SORCS2: variants seen among roughly 807,000 people sequenced by gnomAD.
SORCS2 encodes the protein sortilin related VPS10 domain containing receptor 2.
In SORCS2, 100 loss-of-function variants were observed where a neutral mutation model predicts 141.6. The ratio of observed to expected loss-of-function variants is 0.71; its 90% CI spans 0.60 to 0.83. SORCS2 has a LOEUF of 0.83. Among genes scored for constraint, SORCS2 ranks in the 40% least tolerant of loss-of-function variants. The probability of loss-of-function intolerance (pLI) is 0.00; values close to 1 mark genes in which losing one functional copy is unlikely to be tolerated. For missense variants in SORCS2, 1,646 were observed against 1,560.2 expected (o/e 1.05, Z -0.93); for synonymous variants, 789 against 676.9 (o/e 1.17, Z -2.57).
chr4:7,359,991 G>A (rs759362243), intron 1 of SORCS2, among the ~76,000 whole-genome samples: 1 of 152,176 alleles, frequency 6.6e-6, no homozygotes. Context: ...GGTCACAGTC[G>A]CTGTCATTCT....
chr4:7,484,221 C>T (rs770386539), intron 2 of SORCS2, among the ~76,000 whole-genome samples: 4 of 152,166 alleles, frequency 2.6e-5, no homozygotes, highest in African/African-American at 7.2e-5. Context: ...GGCAGATCGC[C>T]GCTGAGTCTG....
chr4:7,431,975 C>G (rs1323995242), intron 2 of SORCS2: 1 of 152,280 alleles, frequency 6.6e-6, no homozygotes, highest in Non-Finnish European at 1.5e-5. Context: ...GTGTGCGGCT[C>G]CCAGATGTGT....
At chr4:7,373,418 T>G (rs1722384961) in intron 1 of SORCS2, among the ~76,000 whole-genome samples, 1 of 144,694 alleles carries the variant, frequency 6.9e-6, no homozygotes, top group African/African-American at 2.6e-5. Flanking sequence ...CATTTTATAG[T>G]ACGTTGTTTG....
Position 7,645,757 on chromosome 4 carries a change from T to C in SORCS2, c.813+7265T>C, listed in dbSNP as rs150073186. ...GGGGATGAAAACTTTCTTTAAAAAG[T>C]CCTTTCTGAATATGAAAGGTGATGG... On this transcript the variant is annotated intron_variant, in intron 4 of 26. Transcript: ENST00000507866. Among the ~76,000 whole-genome samples the C allele has an allele frequency of 8.4e-3, 1,275 of 152,324 alleles. 21 individuals carry two copies. Among genetic ancestry groups the C allele is most frequent in the African/African-American group, 0.029 (1,185 of 41,568 alleles).
Position 7,316,975 on chromosome 4 carries a change from C to G in SORCS2, c.481-79313C>G, listed in dbSNP as rs560640876. On this transcript the variant is annotated intron_variant, in intron 1 of 26. Coordinates refer to ENST00000507866, the MANE Select transcript of SORCS2 (RefSeq NM_020777.3). ...TCCCCTGACAGCAGACAGACTTCCA[C>G]AAGTTCTGAATGCAAGCGCCCGGGG... 9.2e-5 allele frequency among the ~76,000 whole-genome samples: 14 copies of G among 152,254 alleles called. No homozygotes were observed. The East Asian group carries it at 2.5e-3, about 27-fold the overall frequency.
intron 2 of SORCS2, among the ~76,000 whole-genome samples, chr4:7,435,191 C>G (rs1040373444): frequency 6.6e-6 from 1 of 152,142 alleles, no homozygotes; most frequent in African/African-American, 2.4e-5. Flanking sequence ...TGTCCCCCAC[C>G]CTCCCCCTGC....
At chr4:7,693,053 G>A (rs1724359833) in intron 11 of SORCS2, among the ~76,000 whole-genome samples, 1 of 152,198 alleles carries the variant, frequency 6.6e-6, no homozygotes, top group African/African-American at 2.4e-5. Flanking sequence ...AATCAACCCA[G>A]CCCTGGCCGA....
chr4:7,542,091 G>A (rs1712721034), intron 3 of SORCS2, among the ~76,000 whole-genome samples: 1 of 152,164 alleles, frequency 6.6e-6, no homozygotes, highest in African/African-American at 2.4e-5. Flanking sequence ...GAGAGAAGGA[G>A]CTTTGCCTGC....
rs377492743 is a variant in SORCS2 at position 7,725,268 on chromosome 4, G to T, written c.2726G>T (p.Trp909Leu). 2.5e-6 allele frequency: 4 copies of T among 1,613,324 alleles called. No homozygotes were observed. Among genetic ancestry groups the T allele is most frequent in the Non-Finnish European group, 3.4e-6 (4 of 1,179,596 alleles). Residue 909 changes from tryptophan to leucine, a missense_variant, in exon 20 of 27, where the codon TGG becomes TTG. Coordinates refer to ENST00000507866, the MANE Select transcript of SORCS2 (RefSeq NM_020777.3). ...LNPNLTVFYW[W>L]IGHSLQPLLS... ...CCTAACCTCACCGTCTTCTACTGGT[G>T]GATCGGCCACAGCCTGCAGGTGCGC...
At chr4:7,724,019 G>A in intron 19 of SORCS2, 136 bp downstream of exon 19, 1 of 1,065,818 alleles carries the variant, frequency 9.4e-7, no homozygotes, top group Non-Finnish European at 1.3e-6. Context: ...AGGGCAGGGA[G>A]GCAGGGAGGC....
intron 1 of SORCS2, among the ~76,000 whole-genome samples, chr4:7,325,343 A>G (rs1719184803): frequency 6.6e-6 from 1 of 152,188 alleles, no homozygotes; most frequent in African/African-American, 2.4e-5. Context: ...TTTAAATTAA[A>G]TGTTGGCAAA....
chr4:7,650,204 G>C (rs1721342825), intron 4 of SORCS2, among the ~76,000 whole-genome samples: 1 of 152,214 alleles, frequency 6.6e-6, no homozygotes, highest in Non-Finnish European at 1.5e-5. Context: ...TCACTCAATT[G>C]CTGCGAGCCT....
At chr4:7,585,405 C>G (rs961282941) in intron 3 of SORCS2, among the ~76,000 whole-genome samples, 3 of 152,172 alleles carry the variant, frequency 2.0e-5, no homozygotes, top group Non-Finnish European at 4.4e-5. Context: ...GGGAACCCAG[C>G]CTGAGGCTGC....
At chr4:7,433,702 C>G (rs1338837971) in intron 2 of SORCS2, 1 of 1,612,986 alleles carries the variant, frequency 6.2e-7, no homozygotes, top group African/African-American at 1.3e-5. Flanking sequence ...GCAGAAGCTG[C>G]CCTGGTTCTC....
rs935821486 is a variant in SORCS2 at position 7,217,247 on chromosome 4, C to T, written c.480+24121C>T. Among the ~76,000 whole-genome samples the T allele has an allele frequency of 2.6e-5, 4 of 152,204 alleles. No individual in the cohort carries two copies. The East Asian group carries it at 7.7e-4, about 29-fold the overall frequency. ...CTCACCCCCGCCTTTCTGGCGCTTG[C>T]CCCACTGCCACCCCTCCATGAGACC... is the stretch of plus-strand genomic sequence containing the variant. On this transcript the variant is annotated intron_variant, in intron 1 of 26. Coordinates refer to ENST00000507866, the MANE Select transcript of SORCS2 (RefSeq NM_020777.3).
At chr4:7,299,744 T>C (rs1717312261) in intron 1 of SORCS2, among the ~76,000 whole-genome samples, 1 of 152,196 alleles carries the variant, frequency 6.6e-6, no homozygotes, top group African/African-American at 2.4e-5. Context: ...CCATCCCATT[T>C]TCCTGGGGCC....
At chr4:7,382,846 GC>G (rs1723071607) in intron 1 of SORCS2, among the ~76,000 whole-genome samples, 8 of 152,272 alleles carry the variant, frequency 5.3e-5, no homozygotes, top group African/African-American at 1.7e-4. Flanking sequence ...CCTCCTGCTG[GC>G]ACAGGGCTCC....
At chr4:7,314,476 A>T (rs972846825) in intron 1 of SORCS2, among the ~76,000 whole-genome samples, 4 of 151,876 alleles carry the variant, frequency 2.6e-5, no homozygotes, top group African/African-American at 9.7e-5. Context: ...AGTAGCTGGG[A>T]CTACAGGCGC....
intron 1 of SORCS2, among the ~76,000 whole-genome samples, chr4:7,265,522 G>A (rs984731066): frequency 6.6e-6 from 1 of 152,072 alleles, no homozygotes; most frequent in Non-Finnish European, 1.5e-5. Context: ...TGTGGGCAGG[G>A]CTCGTTCCCC....
Sources: gnomAD v4.1 joint callset for allele counts (sites outside exome capture counted in the v4.1 genomes callset) on GRCh38, gnomAD v4.1.1 for gene constraint, MANE v1.5 for transcripts, NCBI Gene and HGNC (gene_info 2026-07-23, HGNC 2026-07-21) for gene names.